The following WDR18 variants were observed in gnomAD, a reference collection of about 807,000 sequenced individuals.
WDR18 encodes the protein WD repeat-containing protein 18.
A neutral mutation model predicts 49.6 loss-of-function variants in WDR18; 33 were observed. The ratio of observed to expected loss-of-function variants is 0.67; its 90% CI spans 0.50 to 0.89. The LOEUF (loss-of-function observed/expected upper bound fraction) is 0.89, where lower values mean the gene tolerates loss of function less well. Among genes scored for constraint, WDR18 ranks in the 40% least tolerant of loss-of-function variants. The pLI is 0.00. For missense variants in WDR18, 653 were observed against 593.6 expected, an observed-to-expected ratio of 1.10 and a Z score of -1.04; for synonymous variants, 315 against 263.6, an observed-to-expected ratio of 1.19 and a Z score of -1.89.
chr19:991,027 C>T, intron 5 of WDR18, 32 bp downstream of exon 5: 1 of 1,599,876 alleles, frequency 6.3e-7, no homozygotes, highest in Non-Finnish European at 8.5e-7. Context: ...CTGCACCCTG[C>T]CCTGGGGCTG....
intron 2 of WDR18, among the ~76,000 whole-genome samples, chr19:986,577 C>G (rs2038477807): frequency 6.6e-6 from 1 of 152,192 alleles, no homozygotes; most frequent in Non-Finnish European, 1.5e-5. Flanking sequence ...CCAGTGCCTC[C>G]TTTTTCTTAC....
At chr19:990,419 C>G (rs1200685391) in intron 4 of WDR18, 55 bp downstream of exon 4, 8 of 1,466,914 alleles carry the variant, frequency 5.5e-6, no homozygotes, top group Non-Finnish European at 2.7e-6. Flanking sequence ...AGCCGCAGGT[C>G]CTCAGCCAGG....
In WDR18 at chr19:987,829, G is replaced by GTTTTTTTTTTTTTTTTTTTTTTTTTT. The variant is rs71174337; in HGVS notation, c.321+1877_321+1878insTTTTTTTTTTTTTTTTTTTTTTTTTT. Among the ~76,000 whole-genome samples the GTTTTTTTTTTTTTTTTTTTTTTTTTT allele has an allele frequency of 6.5e-5, 6 of 91,804 alleles. 1 individual carries two copies. The highest frequency in any genetic ancestry group is 3.3e-4 in the Admixed American group (3 of 8,958). 60.2% of individuals were successfully genotyped at this position (91,804 alleles called of 152,430 possible). Reference sequence around the variant, plus strand: ...ACCCCTGCTCCCCTAGCCGCCTCCAGTTTTTTTTTTTTTTTTTTTTTTTCA... The same window carrying GTTTTTTTTTTTTTTTTTTTTTTTTTT: ...ACCCCTGCTCCCCTAGCCGCCTCCAGTTTTTTTTTTTTTTTTTTTTTTTTTTTTTTTTTTTTTTTTTTTTTTTTTCA... On this transcript the variant is annotated intron_variant, in intron 2 of 9. Coordinates refer to ENST00000585809, the MANE Select transcript of WDR18 (RefSeq NM_024100.4).
At chr19:987,829 G>GTTTTT (rs71174337) in intron 2 of WDR18, among the ~76,000 whole-genome samples, 1,207 of 91,696 alleles carry the variant, frequency 0.013, 179 homozygotes, top group African/African-American at 0.054. Context: ...GCCGCCTCCA[G>GTTTTT]TTTTTTTTTT....
At chr19:993,653 ACTGT>A (rs2038590185) in intron 8 of WDR18, among the ~76,000 whole-genome samples, 1 of 152,152 alleles carries the variant, frequency 6.6e-6, no homozygotes, top group Non-Finnish European at 1.5e-5. Flanking sequence ...GGAGGTGCTC[ACTGT>A]CTGTGAGGCC....
At chr19:991,905 G>T (rs1222460758) in intron 7 of WDR18, 50 bp from the exon 8 acceptor site, 1 of 1,450,330 alleles carries the variant, frequency 6.9e-7, no homozygotes, top group Non-Finnish European at 9.0e-7. Flanking sequence ...GCTTGCTGTG[G>T]GGTGGGGCCT....
rs747907269 is a variant in WDR18, at chr19:984,377, C to G, written c.24C>G (p.Ala8=). The change falls in exon 1 of 10, where the codon GCC becomes GCG. Residue 8 remains alanine, a synonymous_variant. Transcript: ENST00000585809. MAAPMEV[A]VCTDSAAPMW... is the part of the protein sequence containing the mutation. ...AGATGGCGGCGCCCATGGAGGTGGC[C>G]GTGTGTACGGACTCGGCGGCCCCGA... The G allele has an allele frequency of 2.5e-6, 4 of 1,596,656 alleles. No individual in the cohort carries two copies. Among genetic ancestry groups the G allele is most frequent in the Non-Finnish European group, 3.4e-6 (4 of 1,173,702 alleles).
Position 990,766 on chromosome 19 carries a change from G to A in WDR18, c.598-86G>A. On this transcript the variant is annotated intron_variant, in intron 4 of 9. Transcript: ENST00000585809. ...GCCCTAGGGCCAGAGGACAGCCGAC[G>A]CCTGACCTCCCTGGTGCCCCTGTTC... The A allele has an allele frequency of 3.3e-6, 5 of 1,504,596 alleles. No individual in the cohort carries two copies. In the South Asian group the frequency reaches 4.0e-5, roughly 12 times the overall value. 93.2% of individuals were successfully genotyped at this position (1,504,596 alleles called of 1,614,324 possible).
upstream of WDR18, chr19:984,315 C>T: frequency 6.5e-7 from 1 of 1,543,066 alleles, no homozygotes; most frequent in Non-Finnish European, 8.7e-7. Flanking sequence ...CCGCGTCTCG[C>T]TCATGATGAC....
chr19:993,927 G>T, intron 8 of WDR18, 93 bp from the exon 9 acceptor site: 1 of 1,422,088 alleles, frequency 7.0e-7, no homozygotes, highest in Non-Finnish European at 9.6e-7. Flanking sequence ...CTCCCTGGCT[G>T]AGTGGCTGCC....
At chr19:987,493 G>C (rs1246435318) in intron 2 of WDR18, among the ~76,000 whole-genome samples, 1 of 152,160 alleles carries the variant, frequency 6.6e-6, no homozygotes, top group African/African-American at 2.4e-5. Context: ...GAACTCCTGG[G>C]CTCAAGCGAT....
Position 992,134 on chromosome 19 carries a change from G to A in WDR18, c.1098+13G>A. On this transcript the variant is annotated intron_variant, in intron 8 of 9. Coordinates refer to ENST00000585809, the MANE Select transcript of WDR18 (RefSeq NM_024100.4). Reference sequence around the variant, plus strand: ...CCTCCACCAGCAGGTACGGCCCCCAGCAGGGAACCCCCACTGCCCTTTTGT... The same window carrying A: ...CCTCCACCAGCAGGTACGGCCCCCAACAGGGAACCCCCACTGCCCTTTTGT... 2.1e-6 allele frequency: 3 copies of A among 1,449,318 alleles called. No individual in the cohort carries two copies. Among genetic ancestry groups the A allele is most frequent in the Non-Finnish European group, 2.7e-6 (3 of 1,108,076 alleles). The allele number at this position is 1,449,318 out of a possible 1,614,324, so 89.8% of individuals were successfully genotyped here.
At chr19:984,965 G>T (rs1056864267) in intron 1 of WDR18, among the ~76,000 whole-genome samples, 1 of 152,106 alleles carries the variant, frequency 6.6e-6, no homozygotes, top group Admixed American at 6.6e-5. Flanking sequence ...ATGAAGGGGT[G>T]GCGCAGGAAA....
At chr19:990,726 C>A in intron 4 of WDR18, 126 bp from the exon 5 acceptor site, 1 of 1,382,966 alleles carries the variant, frequency 7.2e-7, no homozygotes, top group Non-Finnish European at 9.5e-7. Flanking sequence ...TGACGGCTTT[C>A]ACCCAAAGTC....
At chr19:990,656 C>A in intron 4 of WDR18, 196 bp from the exon 5 acceptor site, 2 of 889,744 alleles carry the variant, frequency 2.2e-6, no homozygotes, top group Non-Finnish European at 3.3e-6. Context: ...GGGTCATCAG[C>A]CGGAGACCAA....
chr19:990,405 C>T, intron 4 of WDR18, 41 bp downstream of exon 4: 1 of 1,479,578 alleles, frequency 6.8e-7, no homozygotes, highest in Non-Finnish European at 8.9e-7. Flanking sequence ...GAGCGGAGCC[C>T]AGCAGCCGCA....
chr19:993,452 T>C (rs1568386161), intron 8 of WDR18, among the ~76,000 whole-genome samples: 1 of 152,362 alleles, frequency 6.6e-6, no homozygotes, highest in Admixed American at 6.5e-5. Flanking sequence ...TAGTCCTCTG[T>C]GACCCTTGTT....
At chr19:985,822 C>T (rs369464773) in intron 1 of WDR18, 43 bp from the exon 2 acceptor site, 43 of 1,597,062 alleles carry the variant, frequency 2.7e-5, no homozygotes, top group African/African-American at 6.7e-5. Flanking sequence ...TAGTAGCTCC[C>T]GTGTCCTGCA....
intron 8 of WDR18, 59 bp downstream of exon 8, chr19:992,180 C>T (rs1243812075): frequency 2.9e-6 from 4 of 1,393,746 alleles, no homozygotes; most frequent in African/African-American, 1.5e-5. Context: ...CCCGCGGGCC[C>T]TGGGCTCCTT....
Sources: gnomAD v4.1 joint callset for allele counts (sites outside exome capture counted in the v4.1 genomes callset) on GRCh38, gnomAD v4.1.1 for gene constraint, MANE v1.5 for transcripts, NCBI Gene and HGNC (gene_info 2026-07-23, HGNC 2026-07-21) for gene names.